Variants in PPP1R12B observed in about 807,000 individuals in gnomAD.
PPP1R12B encodes the protein protein phosphatase 1 regulatory subunit 12B, also known as myosin phosphatase target subunit 2.
In PPP1R12B, 76 loss-of-function variants were observed where a neutral mutation model predicts 126.1. The observed-to-expected ratio is 0.60, with a 90% CI of 0.50 to 0.73. PPP1R12B has a LOEUF of 0.73. PPP1R12B is among the 30% of genes least tolerant of loss of function. The pLI, the probability that PPP1R12B is intolerant of heterozygous loss-of-function variation, is 0.00. For synonymous variants in PPP1R12B, 356 were observed against 434.7 expected (o/e 0.82, Z 2.25); for missense variants, 1,052 against 1,205.1 (o/e 0.87, Z 1.88).
chr1:202,377,821 C>G (rs893166293), intron 1 of PPP1R12B, among the ~76,000 whole-genome samples: 5 of 132,790 alleles, frequency 3.8e-5, no homozygotes, highest in Non-Finnish European at 7.8e-5. Context: ...AAAGAAAGGT[C>G]AAAGACAGGT....
chr1:202,372,707 G>T (rs2148455844), intron 1 of PPP1R12B, among the ~76,000 whole-genome samples: 1 of 151,074 alleles, frequency 6.6e-6, no homozygotes, highest in East Asian at 2.0e-4. Context: ...TGGGAATTCA[G>T]GTCTATAGTG....
chr1:202,554,998 A>G (rs1686736896), intron 18 of PPP1R12B, among the ~76,000 whole-genome samples: 3 of 151,994 alleles, frequency 2.0e-5, no homozygotes, highest in South Asian at 2.1e-4. Flanking sequence ...CGAAAACCCT[A>G]TGGAATCTGC....
intron 1 of PPP1R12B, among the ~76,000 whole-genome samples, chr1:202,399,961 T>TA (rs1246301950): frequency 3.3e-5 from 5 of 151,962 alleles, no homozygotes; most frequent in Admixed American, 1.3e-4. Context: ...TTAGCAAGTG[T>TA]AGTACCCAAT....
At chr1:202,492,997 G>T in intron 14 of PPP1R12B, 117 bp from the exon 15 acceptor site, 1 of 1,090,236 alleles carries the variant, frequency 9.2e-7, no homozygotes, top group Non-Finnish European at 1.4e-6. Context: ...TATGCATTTT[G>T]AGGGGCTTCA....
At chr1:202,352,793 C>A (rs1656264472) in intron 1 of PPP1R12B, among the ~76,000 whole-genome samples, 1 of 151,892 alleles carries the variant, frequency 6.6e-6, no homozygotes, top group South Asian at 2.1e-4. Context: ...GAGGCTGAGG[C>A]AGGAGAATCG....
Position 202,465,079 on chromosome 1 carries a change from C to T in PPP1R12B, c.1850+15908C>T, listed in dbSNP as rs1674804975. 2.6e-5 allele frequency among the ~76,000 whole-genome samples: 4 copies of T among 152,274 alleles called. No homozygotes were observed. In the South Asian group the frequency reaches 8.3e-4, roughly 32 times the overall value. On this transcript the variant is annotated intron_variant, in intron 13 of 23. Coordinates refer to ENST00000608999, the MANE Select transcript of PPP1R12B (RefSeq NM_002481.4). ...GAAAACTTACTATAAGCCAAGTACC[C>T]TGCTAGATGCATTTAATCTTTGTAA...
rs539425589 is a variant in PPP1R12B, at chr1:202,477,955, G to T, written c.1851-10578G>T. Among the ~76,000 whole-genome samples, 37 of 152,288 alleles carry T rather than the reference G, an allele frequency of 2.4e-4. 1 individual carries two copies. The South Asian group carries it at 2.5e-3, about 10-fold the overall frequency. On this transcript the variant is annotated intron_variant, in intron 13 of 23. Transcript: ENST00000608999. ...CTACTAAACTGTGAGTGTTAGCCTG[G>T]TTTTTTCCGGATGCCAGAAGGCGAG...
At chr1:202,369,470 T>G (rs1209978883) in intron 1 of PPP1R12B, 1 of 152,732 alleles carries the variant, frequency 6.5e-6, no homozygotes, top group East Asian at 1.9e-4. Context: ...TGAATTCTGA[T>G]GTATATTAGA....
intron 8 of PPP1R12B, among the ~76,000 whole-genome samples, chr1:202,434,293 A>C (rs1418686856): frequency 6.6e-6 from 1 of 152,228 alleles, no homozygotes; most frequent in Non-Finnish European, 1.5e-5. Context: ...CCAGAGTAGT[A>C]GTAGGGACCC....
At chr1:202,476,123 G>T (rs1232342715) in intron 13 of PPP1R12B, among the ~76,000 whole-genome samples, 1 of 149,702 alleles carries the variant, frequency 6.7e-6, no homozygotes, top group African/African-American at 2.5e-5. Flanking sequence ...AGGATTGCTT[G>T]AACCCAGGAG....
intron 1 of PPP1R12B, among the ~76,000 whole-genome samples, chr1:202,410,478 A>G (rs1190023740): frequency 6.6e-6 from 1 of 152,256 alleles, no homozygotes; most frequent in African/African-American, 2.4e-5. Context: ...CACAACAGCA[A>G]GGTCAGCTCT....
intron 1 of PPP1R12B, among the ~76,000 whole-genome samples, chr1:202,395,754 A>C (rs1373380673): frequency 6.6e-6 from 1 of 152,128 alleles, no homozygotes; most frequent in Non-Finnish European, 1.5e-5. Context: ...GATTCTGTTT[A>C]CTTTAATAAC....
At chr1:202,537,652 CCTCT>C (rs376914312) in intron 18 of PPP1R12B, among the ~76,000 whole-genome samples, 1 of 152,092 alleles carries the variant, frequency 6.6e-6, no homozygotes, top group Non-Finnish European at 1.5e-5. Flanking sequence ...GTTTACATTC[CCTCT>C]CTAATTGCCA....
At chr1:202,354,122 G>T (rs1022010486) in intron 1 of PPP1R12B, among the ~76,000 whole-genome samples, 8 of 152,072 alleles carry the variant, frequency 5.3e-5, no homozygotes, top group Admixed American at 5.2e-4. Context: ...TTAAAACTAA[G>T]ATATACTTTA....
At chr1:202,504,653 A>G (rs2148880911) in intron 18 of PPP1R12B, among the ~76,000 whole-genome samples, 1 of 152,204 alleles carries the variant, frequency 6.6e-6, no homozygotes, top group South Asian at 2.1e-4. Flanking sequence ...CTACCTTCCA[A>G]ATTTGTATCT....
At chr1:202,420,967 C>CTTTTTTTTTTTTTTTTTTTTTTTTTTTT (rs56164548) in intron 2 of PPP1R12B, among the ~76,000 whole-genome samples, 2 of 118,570 alleles carry the variant, frequency 1.7e-5, no homozygotes, top group African/African-American at 6.8e-5. Context: ...CCTCTGCCAA[C>CTTTTTTTTTTTTTTTTTTTTTTTTTTTT]TTTTTTTTTT....
At chr1:202,428,952 C>G (rs1170919792) in intron 6 of PPP1R12B, 23 bp downstream of exon 6, 1 of 1,574,918 alleles carries the variant, frequency 6.3e-7, no homozygotes, top group Non-Finnish European at 8.6e-7. Flanking sequence ...TTGGTGCTTT[C>G]AAAAGTTTTC....
intron 18 of PPP1R12B, among the ~76,000 whole-genome samples, chr1:202,545,459 C>T (rs530266232): frequency 4.6e-5 from 7 of 152,322 alleles, no homozygotes; most frequent in South Asian, 2.1e-4. Flanking sequence ...TTCCTGCAAG[C>T]GGTGTCCTGC....
chr1:202,423,994 A>T (rs1176349314), intron 3 of PPP1R12B, among the ~76,000 whole-genome samples: 13 of 152,150 alleles, frequency 8.5e-5, no homozygotes, highest in Non-Finnish European at 1.8e-4. Context: ...TTTGTGCGCT[A>T]TTGAATTGAA....
Sources: gnomAD v4.1 joint callset for allele counts (sites outside exome capture counted in the v4.1 genomes callset) on GRCh38, gnomAD v4.1.1 for gene constraint, MANE v1.5 for transcripts, NCBI Gene and HGNC (gene_info 2026-07-23, HGNC 2026-07-21) for gene names.